YEATS2: variants seen among roughly 807,000 people sequenced by gnomAD.
YEATS2 encodes the protein YEATS domain containing 2, also known as YEATS domain-containing protein 2.
Under a neutral mutation model 163.2 loss-of-function variants are expected in YEATS2, and 77 were observed. The ratio of observed to expected loss-of-function variants is 0.47; its 90% CI spans 0.39 to 0.57. The LOEUF is 0.57. Ranked by LOEUF, YEATS2 falls within the 20% of genes least tolerant of loss-of-function variation. The probability of loss-of-function intolerance (pLI) is 0.00; values close to 1 mark genes in which losing one functional copy is unlikely to be tolerated. For synonymous variants in YEATS2, 631 were observed against 645.1 expected, an observed-to-expected ratio of 0.98 and a Z score of 0.33; for missense variants, 1,549 against 1,729.8, an observed-to-expected ratio of 0.90 and a Z score of 1.85.
intron 15 of YEATS2, among the ~76,000 whole-genome samples, chr3:183,765,780 C>T (rs1161739442): frequency 2.0e-5 from 3 of 152,002 alleles, no homozygotes; most frequent in Non-Finnish European, 2.9e-5. Flanking sequence ...AACCCTGTCT[C>T]TACTAAAAAT....
At chr3:183,762,634 G>A (rs932359758) in intron 15 of YEATS2, among the ~76,000 whole-genome samples, 7 of 151,310 alleles carry the variant, frequency 4.6e-5, no homozygotes, top group African/African-American at 1.7e-4. Context: ...GGAGAATGCT[G>A]TAGTTTATAC....
rs140639980 is a variant in YEATS2, at chr3:183,750,383, A to G, written c.970-1690A>G. Among the ~76,000 whole-genome samples the G allele has an allele frequency of 2.6e-3, 398 of 152,314 alleles. 2 individuals carry two copies. Among genetic ancestry groups the G allele is most frequent in the African/African-American group, 9.3e-3 (386 of 41,572 alleles). ...TTTGGCTGTTGTTAATAGTGCTGCTATGAACGTAGGTGTACAGGTATCTAT... is the reference window on the plus strand; with the variant it reads ...TTTGGCTGTTGTTAATAGTGCTGCTGTGAACGTAGGTGTACAGGTATCTAT... On this transcript the variant is annotated intron_variant, in intron 9 of 30. Transcript: ENST00000305135.
Position 183,809,187 on chromosome 3 carries a change from A to C in YEATS2, c.4160+17A>C. The C allele has an allele frequency of 1.2e-6, 2 of 1,613,516 alleles. No individual in the cohort carries two copies. The highest frequency in any genetic ancestry group is 4.5e-5 in the East Asian group (2 of 44,872). ...TCACAACAGGTATTACTATCTCTGC[A>C]GTCTGTGGTGTGAGGCTTACACCTC... On this transcript the variant is annotated intron_variant, in intron 30 of 30. Coordinates refer to ENST00000305135, the MANE Select transcript of YEATS2 (RefSeq NM_018023.5).
At chr3:183,785,085 T>G (rs1375028476) in intron 19 of YEATS2, among the ~76,000 whole-genome samples, 1 of 151,298 alleles carries the variant, frequency 6.6e-6, no homozygotes. Context: ...AAAAAAAAGT[T>G]TGTTGAGCCT....
chr3:183,712,874 C>T (rs931636903), intron 1 of YEATS2, among the ~76,000 whole-genome samples: 1 of 151,892 alleles, frequency 6.6e-6, no homozygotes, highest in Non-Finnish European at 1.5e-5. Context: ...GATTCTCCTG[C>T]CTTAGCCTCA....
chr3:183,773,574 T>A, intron 16 of YEATS2, 59 bp from the exon 17 acceptor site: 1 of 1,477,480 alleles, frequency 6.8e-7, no homozygotes, highest in Non-Finnish European at 9.1e-7. Context: ...TATTTTAATT[T>A]TAGAGTGTTG....
In YEATS2 at chr3:183,722,063, A is replaced by G. The variant is rs1399747308; in HGVS notation, c.464A>G (p.Asn155Ser). The change falls in exon 5 of 31, where the codon AAT (asparagine) becomes AGT (serine). Residue 155 changes from asparagine (N) to serine (S), a missense_variant. Asn to Ser is a conservative substitution (Grantham distance 46). Coordinates refer to ENST00000305135, the MANE Select transcript of YEATS2 (RefSeq NM_018023.5). ...QHNDFLSDKD[N>S]NSNMDIEERL... Reference sequence around the variant, plus strand: ...AATGACTTCTTATCTGACAAAGATAATAACAGCAATATGGATATAGAGGAA... The same window carrying G: ...AATGACTTCTTATCTGACAAAGATAGTAACAGCAATATGGATATAGAGGAA... The G allele has an allele frequency of 6.2e-7, 1 of 1,614,032 alleles. No individual in the cohort carries two copies. The highest frequency in any genetic ancestry group is 2.2e-5 in the East Asian group (1 of 44,880).
chr3:183,738,391 CTTT>C (rs1173865612), intron 8 of YEATS2, among the ~76,000 whole-genome samples: 163 of 74,036 alleles, frequency 2.2e-3, no homozygotes, highest in East Asian at 3.7e-3. Flanking sequence ...AGGAAAAGTT[CTTT>C]TTTTTTTTTT....
At chr3:183,703,432 C>T (rs1714314747) in intron 1 of YEATS2, among the ~76,000 whole-genome samples, 1 of 152,134 alleles carries the variant, frequency 6.6e-6, no homozygotes, top group Non-Finnish European at 1.5e-5. Flanking sequence ...TTCCCTTGGT[C>T]TGAGTCTGTC....
chr3:183,748,201 C>G (rs1390577478), intron 9 of YEATS2, among the ~76,000 whole-genome samples: 1 of 150,744 alleles, frequency 6.6e-6, no homozygotes, highest in African/African-American at 2.4e-5. Flanking sequence ...CCTCCCTCCT[C>G]TTCCCTTCCT....
intron 26 of YEATS2, chr3:183,803,632 G>A (rs1017655959): frequency 1.2e-5 from 6 of 497,594 alleles, no homozygotes; most frequent in Non-Finnish European, 2.2e-5. Flanking sequence ...TTTAGGGAAA[G>A]CTGGGGTAGG....
chr3:183,787,951 C>T (rs1381442984), intron 20 of YEATS2, among the ~76,000 whole-genome samples: 6 of 152,080 alleles, frequency 3.9e-5, no homozygotes, highest in East Asian at 1.9e-4. Context: ...TGCAGTGAGC[C>T]GAGATTGCGC....
chr3:183,736,376 G>C (rs1056044832), intron 7 of YEATS2, among the ~76,000 whole-genome samples: 3 of 152,166 alleles, frequency 2.0e-5, no homozygotes, highest in African/African-American at 7.2e-5. Context: ...CTCATGGCCT[G>C]TATCTGTCAA....
At chr3:183,731,898 A>G (rs1393481400) in intron 7 of YEATS2, among the ~76,000 whole-genome samples, 2 of 152,202 alleles carry the variant, frequency 1.3e-5, no homozygotes, top group East Asian at 3.8e-4. Context: ...CACCTTTACC[A>G]CATACTTTTC....
chr3:183,809,217 C>G (rs755466523), intron 30 of YEATS2, 47 bp downstream of exon 30: 1 of 1,588,340 alleles, frequency 6.3e-7, no homozygotes, highest in African/African-American at 1.3e-5. Flanking sequence ...CACCTCTTTC[C>G]TAACAGTTGA....
intron 10 of YEATS2, 134 bp from the exon 11 acceptor site, chr3:183,753,992 T>C (rs1241140585): frequency 2.7e-6 from 3 of 1,093,662 alleles, no homozygotes; most frequent in Non-Finnish European, 3.8e-6. Context: ...GGATGATTGA[T>C]TGTATTTATT....
chr3:183,810,753 GA>G lies in YEATS2; in HGVS notation c.*173del, dbSNP rs1366817764. On this transcript the variant is annotated 3_prime_UTR_variant, in exon 31 of 31. Transcript: ENST00000305135. ...GTCACCAGCACGCTGCACTCCAGATGAAATCCTCCTAGGACAGGAGTTTGTT... is the reference window on the plus strand; with the variant it reads ...GTCACCAGCACGCTGCACTCCAGATGAATCCTCCTAGGACAGGAGTTTGTT... The G allele has an allele frequency of 1.7e-6, 1 of 604,558 alleles. No homozygotes were observed. The highest frequency in any genetic ancestry group is 2.8e-5 in the Admixed American group (1 of 35,948). 37.4% of individuals were successfully genotyped at this position (604,558 alleles called of 1,614,324 possible). A position where few individuals can be genotyped will look rare whatever the true frequency, so the allele number is the denominator to read the frequency against.
intron 25 of YEATS2, chr3:183,802,329 GA>G (rs1560334704): frequency 1.3e-5 from 2 of 152,674 alleles, no homozygotes; most frequent in African/African-American, 4.8e-5. Flanking sequence ...ACCAGGTACA[GA>G]CCACCTACTT....
intron 11 of YEATS2, among the ~76,000 whole-genome samples, chr3:183,755,074 G>A (rs1237836100): frequency 6.6e-6 from 1 of 152,126 alleles, no homozygotes; most frequent in African/African-American, 2.4e-5. Flanking sequence ...GTAGAAATAG[G>A]ATCCAAATCT....
Sources: gnomAD v4.1 joint callset for allele counts (sites outside exome capture counted in the v4.1 genomes callset) on GRCh38, gnomAD v4.1.1 for gene constraint, MANE v1.5 for transcripts, NCBI Gene and HGNC (gene_info 2026-07-23, HGNC 2026-07-21) for gene names.